Variants in THADA observed in about 807,000 individuals in gnomAD.
THADA encodes the protein tRNA (32-2'-O)-methyltransferase regulator THADA.
A neutral mutation model predicts 219.8 loss-of-function variants in THADA; 213 were observed. The observed-to-expected ratio is 0.97, with a 90% CI of 0.87 to 1.09. THADA has a LOEUF of 1.09. THADA is among the 50% of genes least tolerant of loss of function. The probability of loss-of-function intolerance (pLI) is 0.00; values close to 1 mark genes in which losing one functional copy is unlikely to be tolerated. For synonymous variants in THADA, 1,018 were observed against 828.9 expected, an observed-to-expected ratio of 1.23 and a Z score of -3.92; for missense variants, 2,956 against 2,311.3, an observed-to-expected ratio of 1.28 and a Z score of -5.72.
At position 43,256,258 on chromosome 2, in the gene THADA, C is replaced by T. The variant is rs370574526; in HGVS notation, c.5297-23376G>A. ...GTGCGGTGGCTCATGCCTGTAATCC[C>T]AGCACTTTGGGAGGCCAAGGTGGGA... On this transcript the variant is annotated intron_variant, in intron 36 of 37. Coordinates refer to ENST00000405975, the MANE Select transcript of THADA (RefSeq NM_022065.5). Among the ~76,000 whole-genome samples, 16 of 152,256 alleles carry T rather than the reference C, an allele frequency of 1.1e-4. 1 individual carries two copies. Among genetic ancestry groups the T allele is most frequent in the African/African-American group, 3.9e-4 (16 of 41,532 alleles).
intron 1 of THADA, 23 bp from the exon 2 acceptor site, chr2:43,592,439 G>T: frequency 2.2e-6 from 3 of 1,373,880 alleles, no homozygotes; most frequent in Middle Eastern, 1.8e-4. Context: ...AGACTTTAAG[G>T]CATTAATGTA....
chr2:43,348,696 C>G (rs925609184), intron 29 of THADA, among the ~76,000 whole-genome samples: 2 of 152,092 alleles, frequency 1.3e-5, no homozygotes, highest in African/African-American at 4.8e-5. Flanking sequence ...GAAAGAGCCT[C>G]TTAACTTGGG....
At chr2:43,436,297 C>A (rs1325373684) in intron 26 of THADA, among the ~76,000 whole-genome samples, 1 of 152,108 alleles carries the variant, frequency 6.6e-6, no homozygotes, top group Admixed American at 6.5e-5. Flanking sequence ...CTATCTCAGA[C>A]CCCGGGAGGT....
intron 14 of THADA, among the ~76,000 whole-genome samples, chr2:43,569,180 T>C (rs1160960321): frequency 6.6e-6 from 1 of 152,126 alleles, no homozygotes; most frequent in African/African-American, 2.4e-5. Flanking sequence ...TCTTGCTATG[T>C]TGCCCAGGCT....
chr2:43,428,508 G>C (rs1421292009), intron 27 of THADA, among the ~76,000 whole-genome samples: 2 of 152,180 alleles, frequency 1.3e-5, no homozygotes, highest in African/African-American at 4.8e-5. Context: ...GGGAGGCTGA[G>C]GTGGGAGAAT....
intron 34 of THADA, among the ~76,000 whole-genome samples, chr2:43,288,319 G>C (rs1674291731): frequency 6.6e-6 from 1 of 152,214 alleles, no homozygotes; most frequent in Admixed American, 6.5e-5. Flanking sequence ...TCAGGAGGCT[G>C]AGGCATGGGA....
chr2:43,322,174 C>T (rs760181121), intron 30 of THADA, among the ~76,000 whole-genome samples: 1 of 151,806 alleles, frequency 6.6e-6, no homozygotes, highest in Non-Finnish European at 1.5e-5. Context: ...GCTGGGATTA[C>T]AGGGGGTAAG....
intron 26 of THADA, among the ~76,000 whole-genome samples, chr2:43,447,608 G>A (rs1017726891): frequency 3.3e-5 from 5 of 152,154 alleles, no homozygotes; most frequent in African/African-American, 1.2e-4. Flanking sequence ...TATAGGAATT[G>A]GAGTTATTCC....
intron 36 of THADA, among the ~76,000 whole-genome samples, chr2:43,278,373 C>G (rs190906424): frequency 6.6e-6 from 1 of 152,334 alleles, no homozygotes; most frequent in African/African-American, 2.4e-5. Flanking sequence ...ATATTTTATG[C>G]TTAAGAAAAT....
chr2:43,581,671 G>A (rs1700474240), intron 8 of THADA, 70 bp downstream of exon 8: 2 of 1,367,536 alleles, frequency 1.5e-6, no homozygotes, highest in African/African-American at 2.9e-5. Flanking sequence ...ACTATTAGTA[G>A]GAAAAGCTGA....
At chr2:43,456,703 C>T (rs1683037014) in intron 26 of THADA, among the ~76,000 whole-genome samples, 1 of 152,166 alleles carries the variant, frequency 6.6e-6, no homozygotes. Context: ...ACCTTCTGAA[C>T]AAATTACACA....
rs760015573 is a variant in THADA at position 43,574,597 on chromosome 2, A to G, written c.1468T>C (p.Leu490=). 47 of 1,613,886 alleles carry G rather than the reference A, an allele frequency of 2.9e-5. 2 individuals carry two copies. In the South Asian group the frequency reaches 5.0e-4, roughly 17 times the overall value. The change falls in exon 11 of 38, where the codon TTG becomes CTG. Residue 490 remains leucine, a synonymous_variant. Transcript: ENST00000405975. ...QILEVMGDQS[L]VPYASDLLET... ...AAGAGGTCACTTGCATAAGGTACCA[A>G]TGACTGGTCTCCCATCACCTCTAAG... is the stretch of plus-strand genomic sequence containing the variant.
chr2:43,414,783 G>T (rs1338587845), intron 28 of THADA, among the ~76,000 whole-genome samples: 4 of 152,118 alleles, frequency 2.6e-5, no homozygotes, highest in Non-Finnish European at 5.9e-5. Flanking sequence ...TTATCAGCAG[G>T]GTCTTTTATC....
At chr2:43,475,233 T>G (rs533246227) in intron 26 of THADA, among the ~76,000 whole-genome samples, 2 of 151,946 alleles carry the variant, frequency 1.3e-5, no homozygotes, top group Admixed American at 6.6e-5. Context: ...CCTGGGCAAA[T>G]GGCGAAACCC....
At position 43,275,644 on chromosome 2, in the gene THADA, G is replaced by A. The variant is rs566427865; in HGVS notation, c.5296+4121C>T. Among the ~76,000 whole-genome samples, 93 of 152,296 alleles carry A rather than the reference G, an allele frequency of 6.1e-4. 1 individual carries two copies. Among genetic ancestry groups the A allele is most frequent in the African/African-American group, 2.2e-3 (92 of 41,568 alleles). ...GCCACACCAGATAACTTGCATCAGA[G>A]TGAAAGAGCTCTGCAAAAAGAAAAG... is the stretch of plus-strand genomic sequence containing the variant. On this transcript the variant is annotated intron_variant, in intron 36 of 37. Transcript: ENST00000405975.
chr2:43,526,676 G>A (rs1693208743), intron 22 of THADA, among the ~76,000 whole-genome samples: 1 of 152,180 alleles, frequency 6.6e-6, no homozygotes, highest in Non-Finnish European at 1.5e-5. Context: ...GATGCTGGGT[G>A]CTGTATACAG....
At chr2:43,451,137 T>C (rs2104894968) in intron 26 of THADA, among the ~76,000 whole-genome samples, 1 of 152,304 alleles carries the variant, frequency 6.6e-6, no homozygotes, top group East Asian at 1.9e-4. Context: ...AAAAATATGC[T>C]ATTAAATTAA....
intron 29 of THADA, among the ~76,000 whole-genome samples, chr2:43,386,517 A>G (rs1672707949): frequency 6.6e-6 from 1 of 152,224 alleles, no homozygotes; most frequent in Admixed American, 6.5e-5. Context: ...TTGAGAGTCA[A>G]GTGACAGATT....
chr2:43,543,246 T>A (rs1354028710), intron 20 of THADA, among the ~76,000 whole-genome samples: 3 of 132,828 alleles, frequency 2.3e-5, no homozygotes, highest in Non-Finnish European at 4.9e-5. Context: ...GGTGTATATA[T>A]GCCACATTTT....
Sources: gnomAD v4.1 joint callset for allele counts (sites outside exome capture counted in the v4.1 genomes callset) on GRCh38, gnomAD v4.1.1 for gene constraint, MANE v1.5 for transcripts, NCBI Gene and HGNC (gene_info 2026-07-23, HGNC 2026-07-21) for gene names.